The following MRM3 variants were observed in gnomAD, a reference collection of about 807,000 sequenced individuals.
MRM3 encodes rRNA methyltransferase 3, mitochondrial.
In MRM3, 26 loss-of-function variants were observed where a neutral mutation model predicts 29.4. That is an observed-to-expected ratio of 0.89 (90% confidence interval 0.65 to 1.23). MRM3 has a LOEUF of 1.23. MRM3 is among the 50% of genes most tolerant of loss of function. The probability of loss-of-function intolerance (pLI) is 0.00; values close to 1 mark genes in which losing one functional copy is unlikely to be tolerated. For synonymous variants in MRM3, 225 were observed against 219.0 expected (o/e 1.03, Z -0.24); for missense variants, 578 against 540.2 (o/e 1.07, Z -0.69).
Position 787,909 on chromosome 17 carries a change from C to A in MRM3, c.560-56C>A. 6.6e-7 allele frequency: 1 copy of A among 1,525,240 alleles called. No individual in the cohort carries two copies. Among genetic ancestry groups the A allele is most frequent in the Non-Finnish European group, 9.1e-7 (1 of 1,103,106 alleles). 94.5% of individuals were successfully genotyped at this position (1,525,240 alleles called of 1,614,324 possible). A position where few individuals can be genotyped will look rare whatever the true frequency, so the allele number is the denominator to read the frequency against. On this transcript the variant is annotated intron_variant, in intron 2 of 3. Transcript: ENST00000304478. This position sits in a 1 kb window ranked among gnomAD's most constrained non-coding sequence, Gnocchi z 4.1. ...CAAGATTGATAAGTAAATGAAAAGT[C>A]AGACTATTCCCCGTGCCCACACCAG...
rs1227069651 is a variant in MRM3 at position 791,805 on chromosome 17, GCTGC to G, written c.1002_1005del (p.Pro335MetfsTer19). On this transcript the variant is annotated frameshift_variant, in exon 4 of 4. Coordinates refer to ENST00000304478, the MANE Select transcript of MRM3 (RefSeq NM_018146.4). LOFTEE classifies it high-confidence loss of function. The stretch of plus-strand genomic sequence containing the variant: ...TAGAAACCGGAGCCAGTCAAGATTG[GCTGC>G]CTCATGTTGAGGTTCAGAGTTACGA... 6.2e-7 allele frequency: 1 copy of G among 1,614,196 alleles called. No individual in the cohort carries two copies. Among genetic ancestry groups the G allele is most frequent in the Non-Finnish European group, 8.5e-7 (1 of 1,180,046 alleles).
At chr17:788,158 G>C (rs770219544) in intron 3 of MRM3, 26 bp downstream of exon 3, 2 of 1,612,478 alleles carry the variant, frequency 1.2e-6, no homozygotes, top group East Asian at 2.2e-5. Context: ...GCCAGGCATA[G>C]TGGCTCACAC....
intron 2 of MRM3, among the ~76,000 whole-genome samples, chr17:786,924 C>G (rs1000855903): frequency 1.3e-5 from 2 of 152,070 alleles, no homozygotes; most frequent in Non-Finnish European, 2.9e-5. Context: ...AGGGGAAGAG[C>G]TAAATGAACT....
At chr17:784,426 A>G (rs535902583) in intron 2 of MRM3, among the ~76,000 whole-genome samples, 4 of 152,338 alleles carry the variant, frequency 2.6e-5, no homozygotes, top group Admixed American at 2.0e-4. Context: ...CTTCAGTGAA[A>G]GTGTTATTCA....
rs1474970731 is a variant in MRM3, at chr17:791,688, C to T, written c.882C>T (p.Ala294=). ...TGGCTGACAACTGTGGCCTTTATGCCCAGGCTGAGATGTCTAATAAAGCTA... is the reference window on the plus strand; with the variant it reads ...TGGCTGACAACTGTGGCCTTTATGCTCAGGCTGAGATGTCTAATAAAGCTA... ...VYVADNCGLY[A]QAEMSNKASD... Residue 294 remains alanine, a synonymous_variant, in exon 4 of 4, where the codon GCC becomes GCT. Coordinates refer to ENST00000304478, the MANE Select transcript of MRM3 (RefSeq NM_018146.4). The T allele has an allele frequency of 4.3e-6, 7 of 1,614,152 alleles. No homozygotes were observed. The highest frequency in any genetic ancestry group is 5.9e-6 in the Non-Finnish European group (7 of 1,180,034).
intron 1 of MRM3, 145 bp downstream of exon 1, chr17:782,837 G>C: frequency 3.1e-6 from 3 of 975,124 alleles, no homozygotes; most frequent in South Asian, 1.8e-5. Flanking sequence ...AAGCGTCTTT[G>C]GAATTAGCTT....
intron 2 of MRM3, among the ~76,000 whole-genome samples, chr17:784,002 G>A (rs965583210): frequency 2.0e-5 from 3 of 152,182 alleles, no homozygotes; most frequent in Admixed American, 1.3e-4. Context: ...TCCAGAAGCA[G>A]ATCTAAGAAG....
Position 788,018 on chromosome 17 carries a change from C to A in MRM3, c.613C>A (p.Gln205Lys), listed in dbSNP as rs202174403. Residue 205 changes from glutamine to lysine, a missense_variant, in exon 3 of 4, where the codon CAG (glutamine) becomes AAG (lysine). Physicochemically the swap from Gln to Lys is moderately conservative, Grantham distance 53. Transcript: ENST00000304478. The part of the protein sequence containing the change: ...VKMTYPKTQL[Q>K]HSLPLLLICD... ...GATGACATATCCAAAGACTCAGCTT[C>A]AGCATTCACTGCCTTTATTATTGAT... 1 of 1,614,194 alleles carries A rather than the reference C, an allele frequency of 6.2e-7. No homozygotes were observed. Among genetic ancestry groups the A allele is most frequent in the African/African-American group, 1.3e-5 (1 of 75,072 alleles).
At chr17:788,401 C>A (rs1297271284) in intron 3 of MRM3, among the ~76,000 whole-genome samples, 1 of 151,500 alleles carries the variant, frequency 6.6e-6, no homozygotes. Context: ...CATCACTGCA[C>A]TCCAGCCTGG....
In MRM3 at chr17:791,580, C is replaced by A. The variant is rs200582184; in HGVS notation, c.774C>A (p.Gly258=). Residue 258 remains glycine, a synonymous_variant, in exon 4 of 4, where the codon GGC becomes GGA. Coordinates refer to ENST00000304478, the MANE Select transcript of MRM3 (RefSeq NM_018146.4). ...WEPKVLRAGM[G]AHFRMPIINN... is the part of the protein sequence containing the mutation. The stretch of plus-strand genomic sequence containing the variant: ...CCAAAGTGCTCCGGGCGGGTATGGG[C>A]GCACATTTCCGGATGCCCATTATCA... The A allele has an allele frequency of 3.7e-6, 6 of 1,614,178 alleles. No homozygotes were observed. Among genetic ancestry groups the A allele is most frequent in the Non-Finnish European group, 4.2e-6 (5 of 1,180,032 alleles).
At chr17:783,021 G>T in intron 1 of MRM3, 62 bp from the exon 2 acceptor site, 1 of 1,549,682 alleles carries the variant, frequency 6.5e-7, no homozygotes, top group South Asian at 1.2e-5. Flanking sequence ...TTACAACTAA[G>T]CGTGTCTCAG....
intron 2 of MRM3, 73 bp downstream of exon 2, chr17:783,400 GATCTCGGCCCACTGCA>G: frequency 7.0e-7 from 1 of 1,438,244 alleles, no homozygotes; most frequent in Non-Finnish European, 9.3e-7. Flanking sequence ...GCAATGGCGC[GATCTCGGCCCACTGCA>G]ACCTCCGCCT....
intron 2 of MRM3, 54 bp downstream of exon 2, chr17:783,381 G>A (rs577409646): frequency 2.0e-6 from 3 of 1,515,914 alleles, no homozygotes; most frequent in East Asian, 4.7e-5. Context: ...CTGTCACCCA[G>A]GCTGGAGTGC....
At chr17:785,163 TA>T (rs60370706) in intron 2 of MRM3, among the ~76,000 whole-genome samples, 2,266 of 147,180 alleles carry the variant, frequency 0.015, 66 homozygotes, top group African/African-American at 0.053. Context: ...GTGCTTGGCT[TA>T]AAAAAAAAAG....
chr17:783,577 T>C (rs1910357754), intron 2 of MRM3: 1 of 335,952 alleles, frequency 3.0e-6, no homozygotes, highest in South Asian at 3.1e-5. Flanking sequence ...CCTCAGGTGA[T>C]CCTCCTGCCT....
In MRM3 at chr17:792,118, C is replaced by G; in HGVS notation, c.*49C>G. On this transcript the variant is annotated 3_prime_UTR_variant, in exon 4 of 4. Coordinates refer to ENST00000304478, the MANE Select transcript of MRM3 (RefSeq NM_018146.4). ...GAGGACGTCTGCAGCTCCTCCTACA[C>G]CAGCACACTGGTGGGAGGCTGGCGG... is the stretch of plus-strand genomic sequence containing the variant. 1.3e-6 allele frequency: 2 copies of G among 1,525,990 alleles called. No individual in the cohort carries two copies. The highest frequency in any genetic ancestry group is 1.8e-6 in the Non-Finnish European group (2 of 1,131,378). 94.5% of individuals were successfully genotyped at this position (1,525,990 alleles called of 1,614,324 possible). A position where few individuals can be genotyped will look rare whatever the true frequency, so the allele number is the denominator to read the frequency against.
rs955325037 is a variant in MRM3 at position 787,364 on chromosome 17, A to C, written c.560-601A>C. Among the ~76,000 whole-genome samples, 1 of 152,222 alleles carries C rather than the reference A, an allele frequency of 6.6e-6. No homozygotes were observed. The highest frequency in any genetic ancestry group is 1.9e-4 in the East Asian group (1 of 5,204). On this transcript the variant is annotated intron_variant, in intron 2 of 3. Coordinates refer to ENST00000304478, the MANE Select transcript of MRM3 (RefSeq NM_018146.4). This position sits in a 1 kb window ranked among gnomAD's most constrained non-coding sequence, Gnocchi z 4.1. ...ATAAGTCGATTACAGAATAATACAG[A>C]GTATGACACGGAATGTAAAACACAT...
Position 783,216 on chromosome 17 carries a change from G to C in MRM3, c.448G>C (p.Glu150Gln), listed in dbSNP as rs1385086328. The change falls in exon 2 of 4, where the codon GAA (glutamate) becomes CAA (glutamine). Residue 150 changes from glutamate to glutamine, a missense_variant. Glu to Gln is a conservative substitution (Grantham distance 29, BLOSUM62 2). Transcript: ENST00000304478. ...VPKMFFFSRL[E>Q]YLKELPVDKL... ...AAAAATGTTCTTCTTTAGCCGTCTA[G>C]AATACCTAAAGGAGTTGCCAGTCGA... 6.2e-7 allele frequency: 1 copy of C among 1,614,130 alleles called. No individual in the cohort carries two copies. The highest frequency in any genetic ancestry group is 8.5e-7 in the Non-Finnish European group (1 of 1,180,026).
At chr17:786,163 C>G (rs1057034498) in intron 2 of MRM3, among the ~76,000 whole-genome samples, 3 of 152,196 alleles carry the variant, frequency 2.0e-5, no homozygotes, top group Non-Finnish European at 4.4e-5. Context: ...TGCAGTGGCG[C>G]GATCTTGCCT....
Sources: allele counts gnomAD v4.1 joint callset (sites outside exome capture counted in the v4.1 genomes callset), GRCh38; gene constraint gnomAD v4.1.1; non-coding constraint Gnocchi (gnomAD v3.1); transcripts MANE v1.5; gene names NCBI Gene and HGNC (gene_info 2026-07-23, HGNC 2026-07-21).